COX16: variants seen among roughly 807,000 people sequenced by gnomAD.
COX16 encodes the protein cytochrome c oxidase assembly factor COX16, also known as cytochrome c oxidase assembly protein COX16 homolog, mitochondrial.
Under a neutral mutation model 15.4 loss-of-function variants are expected in COX16, and 12 were observed. That is an observed-to-expected ratio of 0.78 (90% CI 0.50 to 1.26). COX16 has a LOEUF of 1.26. Among genes scored for constraint, COX16 ranks in the 50% most tolerant of loss-of-function variants. COX16 has a pLI of 0.00. For synonymous variants in COX16, 46 were observed against 41.1 expected, an observed-to-expected ratio of 1.12 and a Z score of -0.46; for missense variants, 124 against 127.6, an observed-to-expected ratio of 0.97 and a Z score of 0.14.
chr14:70,331,804 A>T, intron 2 of COX16, among the ~76,000 whole-genome samples: 1 of 13,432 alleles, frequency 7.4e-5, no homozygotes, highest in Non-Finnish European at 1.8e-4. Context: ...AGCATACAAG[A>T]ATGGGAATGT....
intron 1 of COX16, among the ~76,000 whole-genome samples, chr14:70,349,105 C>T (rs1886866901): frequency 6.6e-6 from 1 of 152,206 alleles, no homozygotes; most frequent in African/African-American, 2.4e-5. Context: ...GCCTCCCCAA[C>T]ACTTTCCATG....
intron 2 of COX16, among the ~76,000 whole-genome samples, chr14:70,333,639 TAAGA>T (rs1291716178): frequency 3.3e-5 from 5 of 152,150 alleles, no homozygotes; most frequent in Admixed American, 6.5e-5. Flanking sequence ...AAGTGGGAAC[TAAGA>T]AAGACAAAGG....
In COX16 at chr14:70,326,298, TAAAAAA is replaced by T; in HGVS notation, c.*29_*34del. 1 of 1,106,762 alleles carries T rather than the reference TAAAAAA, an allele frequency of 9.0e-7. No homozygotes were observed. The highest frequency in any genetic ancestry group is 1.7e-5 in the African/African-American group (1 of 58,626). 68.6% of individuals were successfully genotyped at this position (1,106,762 alleles called of 1,614,324 possible). On this transcript the variant is annotated 3_prime_UTR_variant, in exon 4 of 4. Coordinates refer to ENST00000389912, the MANE Select transcript of COX16 (RefSeq NM_016468.7). ...AAGTCCAGTTAATAATATTTTTATT[TAAAAAA>T]AAAAAAAAGGAAAAAAGAATCAGCA...
chr14:70,337,350 T>C (rs544715799), intron 2 of COX16, among the ~76,000 whole-genome samples: 26 of 151,966 alleles, frequency 1.7e-4, no homozygotes, highest in African/African-American at 5.3e-4. Flanking sequence ...TACAGACAGA[T>C]TGGGGGCTAG....
At chr14:70,328,589 A>G (rs916618107) in intron 3 of COX16, among the ~76,000 whole-genome samples, 56 of 145,716 alleles carry the variant, frequency 3.8e-4, no homozygotes, top group African/African-American at 1.5e-3. Context: ...ATTATGATAA[A>G]TTGAGCATCT....
At chr14:70,345,164 A>G (rs564063239) in intron 1 of COX16, among the ~76,000 whole-genome samples, 11 of 152,340 alleles carry the variant, frequency 7.2e-5, no homozygotes, top group Admixed American at 7.2e-4. Flanking sequence ...CTCTCTGTGC[A>G]TGCACATTGG....
chr14:70,332,725 G>A (rs1886328648), intron 2 of COX16, among the ~76,000 whole-genome samples: 1 of 152,086 alleles, frequency 6.6e-6, no homozygotes, highest in Non-Finnish European at 1.5e-5. Context: ...CTCATCCGTG[G>A]CAATGAGAGG....
At chr14:70,344,387 C>T (rs1051318143) in intron 1 of COX16, among the ~76,000 whole-genome samples, 2 of 152,240 alleles carry the variant, frequency 1.3e-5, no homozygotes, top group African/African-American at 4.8e-5. Flanking sequence ...ATAGTTCGGC[C>T]TATGCCCAGG....
chr14:70,327,281 G>A (rs1021487740), intron 3 of COX16, among the ~76,000 whole-genome samples: 2 of 152,026 alleles, frequency 1.3e-5, no homozygotes, highest in African/African-American at 4.8e-5. Context: ...CCTTTGGAAA[G>A]TAATTTAAGC....
At chr14:70,337,520 G>A (rs1044296022) in intron 2 of COX16, among the ~76,000 whole-genome samples, 2 of 151,778 alleles carry the variant, frequency 1.3e-5, no homozygotes, top group Non-Finnish European at 2.9e-5. Context: ...AATACCATCT[G>A]GAACCTCTAT....
At chr14:70,359,114 G>A (rs1376509055) in intron 1 of COX16, 2 of 449,950 alleles carry the variant, frequency 4.4e-6, no homozygotes, top group African/African-American at 2.0e-5. Context: ...CCACAGTATC[G>A]TCAAAACATA....
chr14:70,349,638 C>A (rs1426772725), intron 1 of COX16, among the ~76,000 whole-genome samples: 1 of 152,138 alleles, frequency 6.6e-6, no homozygotes, highest in African/African-American at 2.4e-5. Flanking sequence ...AAAAACCCAG[C>A]AGTTGTGGAC....
At chr14:70,340,837 G>T (rs938075210) in intron 2 of COX16, among the ~76,000 whole-genome samples, 4 of 152,048 alleles carry the variant, frequency 2.6e-5, no homozygotes, top group African/African-American at 9.7e-5. Flanking sequence ...TAATTCAAAG[G>T]CTAATGCCTT....
rs181585151 is a variant in COX16 at position 70,344,264 on chromosome 14, A to T, written c.70-1535T>A. Among the ~76,000 whole-genome samples the T allele has an allele frequency of 7.9e-5, 12 of 152,276 alleles. No homozygotes were observed. The East Asian group carries it at 2.1e-3, about 27-fold the overall frequency. ...AACTGTAATTTCTAATCTTGTAGCTAATTTGTTGGTCCTGCAAAGGCAGAC... is the reference window on the plus strand; with the variant it reads ...AACTGTAATTTCTAATCTTGTAGCTTATTTGTTGGTCCTGCAAAGGCAGAC... On this transcript the variant is annotated intron_variant, in intron 1 of 3. Coordinates refer to ENST00000389912, the MANE Select transcript of COX16 (RefSeq NM_016468.7).
chr14:70,359,438 T>G (rs1208803807), intron 1 of COX16, 81 bp downstream of exon 1: 8 of 1,307,526 alleles, frequency 6.1e-6, no homozygotes, highest in Non-Finnish European at 8.9e-6. Context: ...ACTTCACATT[T>G]TACAGATTCC....
At chr14:70,326,826 G>A (rs796985728) in intron 3 of COX16, among the ~76,000 whole-genome samples, 3 of 151,964 alleles carry the variant, frequency 2.0e-5, no homozygotes, top group South Asian at 4.2e-4. Flanking sequence ...AAAATAAGAA[G>A]AAAAGAACAA....
chr14:70,333,202 G>A (rs1886345767), intron 2 of COX16, among the ~76,000 whole-genome samples: 1 of 152,088 alleles, frequency 6.6e-6, no homozygotes, highest in Non-Finnish European at 1.5e-5. Context: ...GAAACATTTA[G>A]GAAAATATGA....
chr14:70,343,786 C>T (rs755251442), intron 1 of COX16, among the ~76,000 whole-genome samples: 2 of 152,098 alleles, frequency 1.3e-5, no homozygotes, highest in African/African-American at 2.4e-5. Context: ...TTGTAACCAC[C>T]GAATGGGTTC....
Position 70,329,721 on chromosome 14 carries a change from C to CAAAA in COX16, c.142-489_142-486dup, listed in dbSNP as rs199721497. ...CCATGGGCCAGAAGTAGATATCTACCAAAAAAAAAAAAAAAAAATCCATAG... is the reference window on the plus strand; with the variant it reads ...CCATGGGCCAGAAGTAGATATCTACCAAAAAAAAAAAAAAAAAAAAAATCCATAG... On this transcript the variant is annotated intron_variant, in intron 2 of 3. Coordinates refer to ENST00000389912, the MANE Select transcript of COX16 (RefSeq NM_016468.7). Among the ~76,000 whole-genome samples the CAAAA allele has an allele frequency of 2.7e-3, 316 of 117,928 alleles. 2 individuals carry two copies. Among genetic ancestry groups the CAAAA allele is most frequent in the Non-Finnish European group, 4.5e-3 (260 of 58,124 alleles). 77.4% of individuals were successfully genotyped at this position (117,928 alleles called of 152,430 possible).
Sources: gnomAD v4.1 joint callset for allele counts (sites outside exome capture counted in the v4.1 genomes callset) on GRCh38, gnomAD v4.1.1 for gene constraint, MANE v1.5 for transcripts, NCBI Gene and HGNC (gene_info 2026-07-23, HGNC 2026-07-21) for gene names.